Variants in BRD10 observed in about 807,000 individuals in gnomAD.
BRD10 encodes uncharacterized bromodomain-containing protein 10.
At chr9:5,952,291 G>C in the BRD10 span, among the ~76,000 whole-genome samples, 1 of 152,084 alleles carries the variant, frequency 6.6e-6, no homozygotes, top group Non-Finnish European at 1.5e-5. Context: ...TAAGTGCTGG[G>C]ATTACAGGTG....
the BRD10 span, among the ~76,000 whole-genome samples, chr9:5,938,350 G>A: frequency 6.6e-6 from 1 of 152,132 alleles, no homozygotes; most frequent in African/African-American, 2.4e-5. Context: ...GCTGAGGTGG[G>A]AGAATCACTT....
the BRD10 span, among the ~76,000 whole-genome samples, chr9:5,951,150 A>G: frequency 6.6e-6 from 1 of 151,900 alleles, no homozygotes. Flanking sequence ...TCTAAATAGG[A>G]GTAGGATGAT....
chr9:5,919,692 C>T, the BRD10 span: 12 of 1,605,204 alleles, frequency 7.5e-6, no homozygotes, highest in South Asian at 1.1e-5. Flanking sequence ...ATTCAAGATG[C>T]AGCTCTGTCA....
At chr9:5,908,345 A>T in the BRD10 span, among the ~76,000 whole-genome samples, 42 of 152,356 alleles carry the variant, frequency 2.8e-4, no homozygotes, top group African/African-American at 9.9e-4. Context: ...ATAGCATTCA[A>T]TGATTCGTTA....
the BRD10 span, among the ~76,000 whole-genome samples, chr9:5,888,517 G>A: frequency 3.3e-5 from 5 of 152,160 alleles, no homozygotes; most frequent in South Asian, 2.1e-4. Context: ...TTTCTTATTC[G>A]AGTTCAAAAT....
At chr9:5,955,760 T>G in the BRD10 span, among the ~76,000 whole-genome samples, 1 of 150,780 alleles carries the variant, frequency 6.6e-6, no homozygotes, top group Non-Finnish European at 1.5e-5. Context: ...TTCACCATTG[T>G]TATTTACTTC....
the BRD10 span, among the ~76,000 whole-genome samples, chr9:5,958,128 T>G: frequency 6.6e-6 from 1 of 152,192 alleles, no homozygotes; most frequent in African/African-American, 2.4e-5. Context: ...GAAACATTAA[T>G]AAACCTTAAT....
At chr9:5,960,405 T>C in the BRD10 span, among the ~76,000 whole-genome samples, 16 of 151,876 alleles carry the variant, frequency 1.1e-4, no homozygotes, top group African/African-American at 3.9e-4. Flanking sequence ...CTACTAAAAA[T>C]ACAAAAATTA....
At chr9:6,007,598 C>T in the BRD10 span, 1 of 1,606,120 alleles carries the variant, frequency 6.2e-7, no homozygotes, top group South Asian at 1.1e-5. Flanking sequence ...CCTCCGATCA[C>T]CATCGCCTCC....
At chr9:5,921,127 A>G in the BRD10 span, 1 of 1,613,930 alleles carries the variant, frequency 6.2e-7, no homozygotes, top group Non-Finnish European at 8.5e-7. Context: ...CTGGAACTGA[A>G]TTACCACTTG....
At chr9:5,984,705 A>G in the BRD10 span, among the ~76,000 whole-genome samples, 2 of 152,168 alleles carry the variant, frequency 1.3e-5, no homozygotes, top group African/African-American at 2.4e-5. Flanking sequence ...AAATAATTGT[A>G]AATTAAATTT....
the BRD10 span, among the ~76,000 whole-genome samples, chr9:5,951,004 T>A: frequency 6.6e-6 from 1 of 150,388 alleles, no homozygotes; most frequent in African/African-American, 2.4e-5. Flanking sequence ...AATGCACAGA[T>A]GCAGAACCTA....
chr9:5,889,954 G>A, the BRD10 span, among the ~76,000 whole-genome samples: 3 of 152,138 alleles, frequency 2.0e-5, no homozygotes, highest in African/African-American at 7.2e-5. Flanking sequence ...TATCTCCAGT[G>A]GACAGTTAAC....
At chr9:5,922,502 G>A in the BRD10 span, 1 of 1,613,546 alleles carries the variant, frequency 6.2e-7, no homozygotes, top group African/African-American at 1.3e-5. Flanking sequence ...AGCTGTATTT[G>A]GTAGTTGGGT....
At chr9:5,881,831 A>G in the BRD10 span, among the ~76,000 whole-genome samples, 1 of 152,228 alleles carries the variant, frequency 6.6e-6, no homozygotes, top group Non-Finnish European at 1.5e-5. Context: ...CTTCCTAGGA[A>G]GTCACTAGAG....
chr9:5,941,798 A>G, the BRD10 span, among the ~76,000 whole-genome samples: 2 of 152,114 alleles, frequency 1.3e-5, no homozygotes, highest in East Asian at 3.8e-4. Context: ...AAACAAAAAA[A>G]CTTTTAAAAT....
chr9:5,905,865 C>T, the BRD10 span, among the ~76,000 whole-genome samples: 5 of 152,180 alleles, frequency 3.3e-5, no homozygotes, highest in South Asian at 2.1e-4. Flanking sequence ...ACTATTCTCC[C>T]GGCCATGGTC....
At chr9:5,930,436 C>T in the BRD10 span, among the ~76,000 whole-genome samples, 6 of 146,858 alleles carry the variant, frequency 4.1e-5, no homozygotes, top group East Asian at 2.0e-4. Context: ...ACATATAAAC[C>T]TGTGTGACGA....
chr9:5,921,903 T>C, the BRD10 span: 2 of 1,613,936 alleles, frequency 1.2e-6, no homozygotes, highest in Non-Finnish European at 8.5e-7. Flanking sequence ...TTTTTCCCCA[T>C]GGATGGGGCA....
Sources: allele counts gnomAD v4.1 joint callset (sites outside exome capture counted in the v4.1 genomes callset), GRCh38; gene constraint gnomAD v4.1.1; transcripts MANE v1.5; gene names NCBI Gene and HGNC (gene_info 2026-07-23, HGNC 2026-07-21).